PHF14: variants seen among roughly 807,000 people sequenced by gnomAD.
PHF14 encodes the protein PHD finger protein 14.
Under a neutral mutation model 117.9 loss-of-function variants are expected in PHF14, and 55 were observed. That is an observed-to-expected ratio of 0.47 (90% CI 0.38 to 0.58). The LOEUF (loss-of-function observed/expected upper bound fraction) is 0.58. Among genes scored for constraint, PHF14 ranks in the 20% least tolerant of loss-of-function variants. The pLI is 0.00. For synonymous variants in PHF14, 409 were observed against 368.6 expected, an observed-to-expected ratio of 1.11 and a Z score of -1.26; for missense variants, 978 against 1,122.2, an observed-to-expected ratio of 0.87 and a Z score of 1.84.
chr7:11,103,442 G>C (rs542259464), intron 16 of PHF14: 7 of 981,956 alleles, frequency 7.1e-6, no homozygotes, highest in Non-Finnish European at 8.5e-6. Context: ...ATCAACATCT[G>C]TATCTTTCCA....
chr7:11,070,800 C>T (rs980504015), intron 16 of PHF14, among the ~76,000 whole-genome samples: 1 of 152,212 alleles, frequency 6.6e-6, no homozygotes, highest in African/African-American at 2.4e-5. Flanking sequence ...CAATATGGCT[C>T]AGGCTGTTAA....
At chr7:11,024,589 AG>A (rs1355184724) in intron 6 of PHF14, among the ~76,000 whole-genome samples, 2 of 152,140 alleles carry the variant, frequency 1.3e-5, no homozygotes, top group Non-Finnish European at 2.9e-5. Flanking sequence ...AAAATCCTAG[AG>A]CCCTTAAGAA....
chr7:10,980,962 C>A (rs893543651), intron 2 of PHF14, among the ~76,000 whole-genome samples: 4 of 151,916 alleles, frequency 2.6e-5, no homozygotes, highest in African/African-American at 9.7e-5. Context: ...CAGAACAGTC[C>A]CAAGTAAGCT....
chr7:11,045,663 G>T (rs147091128), intron 13 of PHF14, among the ~76,000 whole-genome samples: 3 of 152,164 alleles, frequency 2.0e-5, no homozygotes, highest in African/African-American at 7.2e-5. Context: ...TCTGTGGACT[G>T]TGCTGGGCAG....
intron 16 of PHF14, chr7:11,105,243 T>G: frequency 1.0e-6 from 1 of 957,488 alleles, no homozygotes; most frequent in Non-Finnish European, 1.2e-6. Flanking sequence ...TTATAGATCA[T>G]TGTCATTCGT....
intron 6 of PHF14, among the ~76,000 whole-genome samples, chr7:11,023,459 C>T (rs1419628263): frequency 2.6e-5 from 4 of 152,200 alleles, no homozygotes; most frequent in Non-Finnish European, 5.9e-5. Flanking sequence ...CTGACTGCTT[C>T]ACCAACCTGG....
chr7:11,066,224 G>T (rs1418162591), intron 16 of PHF14, among the ~76,000 whole-genome samples: 1 of 152,140 alleles, frequency 6.6e-6, no homozygotes, highest in South Asian at 2.1e-4. Flanking sequence ...GAATTCATAT[G>T]TATTACATTT....
At chr7:11,148,288 G>A (rs1341352261) in intron 17 of PHF14, among the ~76,000 whole-genome samples, 4 of 152,096 alleles carry the variant, frequency 2.6e-5, no homozygotes, top group African/African-American at 9.7e-5. Flanking sequence ...TCAAATAACC[G>A]TTATGGGCTA....
At chr7:11,107,353 T>C in intron 16 of PHF14, 1 of 909,010 alleles carries the variant, frequency 1.1e-6, no homozygotes, top group East Asian at 1.2e-4. Context: ...ATATAGACTG[T>C]GTTTATTTGG....
chr7:11,130,762 T>C lies in PHF14; in HGVS notation c.2772+19295T>C, dbSNP rs533870213. ...TTGACAGTTGTAATAATGACACATG[T>C]CCACCATTACAGTGTCATACAGAAT... On this transcript the variant is annotated intron_variant, in intron 17 of 17. Transcript: ENST00000634607. The surrounding 1 kb of genome is among the most constrained non-coding windows in gnomAD (Gnocchi z 4.2). Among the ~76,000 whole-genome samples the C allele has an allele frequency of 2.6e-5, 4 of 152,070 alleles. No individual in the cohort carries two copies. In the South Asian group the frequency reaches 8.3e-4, roughly 31 times the overall value.
chr7:10,982,970 G>C lies in PHF14; in HGVS notation c.711G>C (p.Glu237Asp), dbSNP rs1411473761. ...SQKEGSDGDN[E>D]DDEDEGSGSD... is the part of the protein sequence containing the mutation. ...AAGAGGGAAGTGATGGAGACAATGA[G>C]GATGATGAAGATGAGGGAAGCGGGA... Residue 237 changes from glutamate (E) to aspartate (D), a missense_variant, in exon 3 of 18, where the codon GAG becomes GAC. This residue lies in a region of PHF14 where 414 missense variants were observed against 376.4 expected (regional missense o/e 1.10). Coordinates refer to ENST00000634607, the MANE Select transcript of PHF14 (RefSeq NM_001007157.2). The C allele has an allele frequency of 1.3e-6, 2 of 1,591,114 alleles. No homozygotes were observed. Among genetic ancestry groups the C allele is most frequent in the Non-Finnish European group, 1.7e-6 (2 of 1,168,582 alleles).
At chr7:11,125,744 C>T (rs1440656119) in intron 17 of PHF14, among the ~76,000 whole-genome samples, 1 of 151,962 alleles carries the variant, frequency 6.6e-6, no homozygotes, top group Non-Finnish European at 1.5e-5. Context: ...TTCCTCTGGA[C>T]TATATTCATA....
Position 11,071,505 on chromosome 7 carries a change from A to T in PHF14, c.2654+9420A>T, listed in dbSNP as rs546741836. ...GATAAATAGCAGATATTTCCTTTTT[A>T]AAAAACAACTCTAGTGGTATCTAAT... On this transcript the variant is annotated intron_variant, in intron 16 of 17. Coordinates refer to ENST00000634607, the MANE Select transcript of PHF14 (RefSeq NM_001007157.2). 3.3e-5 allele frequency among the ~76,000 whole-genome samples: 5 copies of T among 152,316 alleles called. No homozygotes were observed. In the East Asian group the frequency reaches 7.7e-4, roughly 23 times the overall value.
At chr7:11,084,096 TGTA>T (rs1311263216) in intron 16 of PHF14, among the ~76,000 whole-genome samples, 1 of 152,192 alleles carries the variant, frequency 6.6e-6, no homozygotes, top group Non-Finnish European at 1.5e-5. Flanking sequence ...CTGTTTAAAA[TGTA>T]GTAAAAATAA....
chr7:10,977,060 A>G (rs1252941212), intron 2 of PHF14, among the ~76,000 whole-genome samples: 1 of 151,822 alleles, frequency 6.6e-6, no homozygotes, highest in Non-Finnish European at 1.5e-5. Flanking sequence ...TAGCTGAGAT[A>G]TTCGCTTACT....
chr7:11,048,981 G>A (rs1784763737), intron 13 of PHF14, among the ~76,000 whole-genome samples: 1 of 152,070 alleles, frequency 6.6e-6, no homozygotes, highest in Admixed American at 6.5e-5. Flanking sequence ...ATTTATAGTG[G>A]GGATGGAAGT....
chr7:11,005,787 C>CTTTTTTTT (rs951270672), intron 4 of PHF14, among the ~76,000 whole-genome samples: 24 of 84,446 alleles, frequency 2.8e-4, no homozygotes, highest in South Asian at 4.3e-4. Flanking sequence ...AGTAAAAATT[C>CTTTTTTTT]TTTTTTTTTT....
At chr7:11,142,773 GA>G (rs1415477028) in intron 17 of PHF14, among the ~76,000 whole-genome samples, 1 of 152,032 alleles carries the variant, frequency 6.6e-6, no homozygotes, top group East Asian at 1.9e-4. Context: ...AAATACAAAT[GA>G]AATAGTTCCT....
At chr7:11,017,528 A>G (rs144997834) in intron 5 of PHF14, among the ~76,000 whole-genome samples, 42 of 152,240 alleles carry the variant, frequency 2.8e-4, no homozygotes, top group South Asian at 6.2e-4. Context: ...CTGTTTTAGC[A>G]TATGAGCTTC....
Sources: allele counts gnomAD v4.1 joint callset (sites outside exome capture counted in the v4.1 genomes callset), GRCh38; gene constraint gnomAD v4.1.1; regional missense constraint gnomAD v4.1.1; non-coding constraint Gnocchi (gnomAD v3.1); transcripts MANE v1.5; gene names NCBI Gene and HGNC (gene_info 2026-07-23, HGNC 2026-07-21).